Variants in RIT2 observed in about 807,000 individuals in gnomAD.
RIT2 encodes GTP-binding protein Rit2.
RIT2 carries 24 observed loss-of-function variants against 23.7 expected under a neutral mutation model. That is an observed-to-expected ratio of 1.01 (90% CI 0.73 to 1.43). The LOEUF (loss-of-function observed/expected upper bound fraction) is 1.43, where lower values mean the gene tolerates loss of function less well. Ranked by LOEUF, RIT2 falls within the 40% of genes most tolerant of loss-of-function variation. RIT2 has a pLI of 0.00. For missense variants in RIT2, 236 were observed against 266.9 expected, an observed-to-expected ratio of 0.88 and a Z score of 0.81; for synonymous variants, 107 against 91.1, an observed-to-expected ratio of 1.17 and a Z score of -0.99.
At chr18:42,856,057 C>T (rs1568013838) in intron 4 of RIT2, among the ~76,000 whole-genome samples, 1 of 152,262 alleles carries the variant, frequency 6.6e-6, no homozygotes, top group Middle Eastern at 3.4e-3. Flanking sequence ...CAGGCCCATT[C>T]GAAAGTGCCT....
chr18:42,755,872 G>A (rs1424451211), intron 4 of RIT2, among the ~76,000 whole-genome samples: 2 of 152,160 alleles, frequency 1.3e-5, no homozygotes, highest in African/African-American at 2.4e-5. Context: ...GCATTTACAA[G>A]TAATGCCCAG....
intron 4 of RIT2, among the ~76,000 whole-genome samples, chr18:42,812,937 A>G (rs1198951539): frequency 1.3e-5 from 2 of 152,214 alleles, no homozygotes; most frequent in Non-Finnish European, 2.9e-5. Flanking sequence ...TAAACTATTA[A>G]GTTTCTAATG....
At chr18:42,867,208 T>C (rs541489486) in intron 4 of RIT2, among the ~76,000 whole-genome samples, 35 of 152,204 alleles carry the variant, frequency 2.3e-4, no homozygotes, top group African/African-American at 7.9e-4. Context: ...ACAGGCTTTG[T>C]GGGGATTCTG....
rs141435132 is a variant in RIT2 at position 43,100,479 on chromosome 18, C to G, written c.103+14938G>C. ...GGTAGAGTTTAAAGCACAGTAATGACAAATCTGACTTGTAGCTTAAAAGGA... is the reference window on the plus strand; with the variant it reads ...GGTAGAGTTTAAAGCACAGTAATGAGAAATCTGACTTGTAGCTTAAAAGGA... On this transcript the variant is annotated intron_variant, in intron 1 of 4. Transcript: ENST00000326695. 1.6e-3 allele frequency among the ~76,000 whole-genome samples: 244 copies of G among 152,184 alleles called. 1 individual carries two copies. The highest frequency in any genetic ancestry group is 5.5e-3 in the African/African-American group (228 of 41,524).
chr18:43,021,260 T>C lies in RIT2; in HGVS notation c.160+12551A>G, dbSNP rs768468691. The stretch of plus-strand genomic sequence containing the variant: ...TATTTCTCAATAGATGACACGCAAA[T>C]GTCCAAGAAGTATACGAAGAAATGC... On this transcript the variant is annotated intron_variant, in intron 2 of 4. Coordinates refer to ENST00000326695, the MANE Select transcript of RIT2 (RefSeq NM_002930.4). 6.2e-4 allele frequency among the ~76,000 whole-genome samples: 93 copies of C among 151,152 alleles called. 2 individuals are homozygous for C. The highest frequency in any genetic ancestry group is 1.8e-4 in the Non-Finnish European group (12 of 67,992).
chr18:42,929,683 A>C (rs1426472805), intron 3 of RIT2, among the ~76,000 whole-genome samples: 1 of 152,178 alleles, frequency 6.6e-6, no homozygotes, highest in African/African-American at 2.4e-5. Flanking sequence ...ATAATTAAGA[A>C]TTTCAAGACA....
chr18:42,949,683 C>T (rs1045623191), intron 3 of RIT2, among the ~76,000 whole-genome samples: 2 of 152,072 alleles, frequency 1.3e-5, no homozygotes, highest in Non-Finnish European at 2.9e-5. Flanking sequence ...CACTTCGATT[C>T]TGACAACTTT....
chr18:42,788,413 A>G (rs548532341), intron 4 of RIT2, among the ~76,000 whole-genome samples: 175 of 152,262 alleles, frequency 1.1e-3, no homozygotes, highest in Non-Finnish European at 2.1e-3. Context: ...GAAATCCAGA[A>G]CCAAGTTAAT....
At chr18:43,092,117 C>G (rs1293329980) in intron 1 of RIT2, among the ~76,000 whole-genome samples, 1 of 152,024 alleles carries the variant, frequency 6.6e-6, no homozygotes, top group Non-Finnish European at 1.5e-5. Context: ...TTCCAACATA[C>G]CGGGACCTCT....
intron 2 of RIT2, among the ~76,000 whole-genome samples, chr18:42,978,522 T>C (rs1387074776): frequency 1.3e-5 from 2 of 152,078 alleles, no homozygotes; most frequent in Non-Finnish European, 2.9e-5. Context: ...CTTCCCTGAA[T>C]TTCAATCATC....
chr18:43,075,428 G>C (rs1912991423), intron 1 of RIT2, among the ~76,000 whole-genome samples: 1 of 152,094 alleles, frequency 6.6e-6, no homozygotes, highest in Admixed American at 6.6e-5. Context: ...TCTTTGATAA[G>C]AAATTGACTC....
At chr18:43,072,798 G>A (rs1374436061) in intron 1 of RIT2, among the ~76,000 whole-genome samples, 1 of 152,006 alleles carries the variant, frequency 6.6e-6, no homozygotes, top group Non-Finnish European at 1.5e-5. Flanking sequence ...TCTCTTACTG[G>A]AATTGACACT....
At chr18:42,831,512 A>G (rs1256545552) in intron 4 of RIT2, among the ~76,000 whole-genome samples, 3 of 152,172 alleles carry the variant, frequency 2.0e-5, no homozygotes, top group Admixed American at 6.5e-5. Context: ...TAGTGTGGTC[A>G]GATCCTTTAA....
chr18:43,043,885 C>T (rs1912186983), intron 1 of RIT2, among the ~76,000 whole-genome samples: 1 of 152,112 alleles, frequency 6.6e-6, no homozygotes, highest in African/African-American at 2.4e-5. Context: ...TTCCCCTCAG[C>T]ACACATATTT....
intron 4 of RIT2, among the ~76,000 whole-genome samples, chr18:42,866,300 CAAG>C (rs1907467917): frequency 6.6e-6 from 1 of 152,034 alleles, no homozygotes. Flanking sequence ...ACATTTATCC[CAAG>C]AAACCTATAA....
intron 1 of RIT2, among the ~76,000 whole-genome samples, chr18:43,046,691 C>T (rs1489369579): frequency 1.3e-5 from 2 of 152,164 alleles, no homozygotes; most frequent in Non-Finnish European, 2.9e-5. Flanking sequence ...GTCTGAGAGG[C>T]CCTTTCATAG....
At chr18:42,755,880 C>T (rs1187932071) in intron 4 of RIT2, among the ~76,000 whole-genome samples, 1 of 152,106 alleles carries the variant, frequency 6.6e-6, no homozygotes, top group Non-Finnish European at 1.5e-5. Flanking sequence ...AAGTAATGCC[C>T]AGCCCTGTCT....
intron 3 of RIT2, among the ~76,000 whole-genome samples, chr18:42,934,064 C>T (rs1284182729): frequency 4.0e-5 from 6 of 150,594 alleles, no homozygotes; most frequent in South Asian, 4.2e-4. Context: ...AAACCTCTTT[C>T]CTTTATAAAT....
chr18:43,027,341 A>G (rs954974772), intron 2 of RIT2, among the ~76,000 whole-genome samples: 1 of 152,102 alleles, frequency 6.6e-6, no homozygotes, highest in Non-Finnish European at 1.5e-5. Flanking sequence ...GTTTCTTAAT[A>G]TTTAGAGTGC....
Sources: gnomAD v4.1 joint callset for allele counts (sites outside exome capture counted in the v4.1 genomes callset) on GRCh38, gnomAD v4.1.1 for gene constraint, MANE v1.5 for transcripts, NCBI Gene and HGNC (gene_info 2026-07-23, HGNC 2026-07-21) for gene names.